The following HCN1 variants were observed in gnomAD, a reference collection of about 807,000 sequenced individuals.
The protein encoded by HCN1 is potassium/sodium hyperpolarization-activated cyclic nucleotide-gated channel 1.
A neutral mutation model predicts 78.9 loss-of-function variants in HCN1; 13 were observed. The ratio of observed to expected loss-of-function variants is 0.16; its 90% CI spans 0.11 to 0.26. The LOEUF (loss-of-function observed/expected upper bound fraction) is 0.26, where lower values mean the gene tolerates loss of function less well. Among genes scored for constraint, HCN1 ranks in the 10% least tolerant of loss-of-function variants. HCN1 has a pLI of 1.00. For missense variants in HCN1, 810 were observed against 1,154.3 expected, an observed-to-expected ratio of 0.70 and a Z score of 4.32; for synonymous variants, 552 against 455.5, an observed-to-expected ratio of 1.21 and a Z score of -2.70.
intron 1 of HCN1, among the ~76,000 whole-genome samples, chr5:45,659,145 C>A (rs1482253521): frequency 2.0e-5 from 3 of 150,926 alleles, no homozygotes; most frequent in African/African-American, 7.3e-5. Context: ...GGTCCCTGAC[C>A]CCTGACCCCC....
At chr5:45,526,071 T>G (rs1361730560) in intron 2 of HCN1, among the ~76,000 whole-genome samples, 1 of 151,994 alleles carries the variant, frequency 6.6e-6, no homozygotes, top group Non-Finnish European at 1.5e-5. Flanking sequence ...ACCCTGATCT[T>G]AGACTTCCAC....
At chr5:45,323,584 C>T (rs968189680) in intron 5 of HCN1, among the ~76,000 whole-genome samples, 7 of 151,658 alleles carry the variant, frequency 4.6e-5, no homozygotes, top group Admixed American at 4.6e-4. Context: ...CATTATTATA[C>T]TTTAAGTTTT....
rs1290982240 is a variant in HCN1, at chr5:45,696,004, C to G, written c.90G>C (p.Ala30=). The G allele has an allele frequency of 7.5e-5, 98 of 1,299,438 alleles. No individual in the cohort carries two copies. The highest frequency in any genetic ancestry group is 9.4e-5 in the Non-Finnish European group (96 of 1,018,444). The allele number at this position is 1,299,438 out of a possible 1,614,324, so 80.5% of individuals were successfully genotyped here. The change falls in exon 1 of 8, where the codon GCG becomes GCC. Residue 30 remains alanine, a synonymous_variant. Transcript: ENST00000303230. The part of the protein sequence containing the change: ...VFPAKASATG[A]GPAAAEKRLG... ...GGCGCTTCTCGGCCGCGGCCGGCCC[C>G]GCGCCCGTCGCGGACGCCTTGGCGG... is the stretch of plus-strand genomic sequence containing the variant.
intron 3 of HCN1, among the ~76,000 whole-genome samples, chr5:45,440,377 CT>C (rs1433012285): frequency 2.0e-5 from 3 of 152,070 alleles, no homozygotes; most frequent in African/African-American, 7.2e-5. Context: ...AATTTCCCCC[CT>C]AGAATAACAT....
Position 45,540,118 on chromosome 5 carries a change from G to T in HCN1, c.850-78111C>A, listed in dbSNP as rs553348047. 4.0e-5 allele frequency among the ~76,000 whole-genome samples: 6 copies of T among 151,672 alleles called. No individual in the cohort carries two copies. The South Asian group carries it at 6.2e-4, about 16-fold the overall frequency. ...ATCTCTTTTGTTGTTCATTCAGATAGAATTTAAATATTGAATTAAAGCAGT... is the reference window on the plus strand; with the variant it reads ...ATCTCTTTTGTTGTTCATTCAGATATAATTTAAATATTGAATTAAAGCAGT... On this transcript the variant is annotated intron_variant, in intron 2 of 7. Transcript: ENST00000303230.
chr5:45,443,467 C>A (rs1009872720), intron 3 of HCN1, among the ~76,000 whole-genome samples: 1 of 152,020 alleles, frequency 6.6e-6, no homozygotes, highest in African/African-American at 2.4e-5. Context: ...TCCTCTCCAA[C>A]AGGTTTTCCT....
intron 6 of HCN1, among the ~76,000 whole-genome samples, chr5:45,293,231 C>G (rs1745415961): frequency 6.6e-6 from 1 of 151,996 alleles, no homozygotes; most frequent in Non-Finnish European, 1.5e-5. Context: ...AAAACTGTTC[C>G]TTCTTCTCCA....
chr5:45,601,601 C>T (rs1016356963), intron 2 of HCN1, among the ~76,000 whole-genome samples: 1 of 152,100 alleles, frequency 6.6e-6, no homozygotes, highest in African/African-American at 2.4e-5. Flanking sequence ...CTTTTGTACA[C>T]GGACTTTTTG....
intron 2 of HCN1, among the ~76,000 whole-genome samples, chr5:45,535,695 T>C (rs1361870834): frequency 6.6e-6 from 1 of 152,192 alleles, no homozygotes; most frequent in Non-Finnish European, 1.5e-5. Context: ...GTGTTCATTG[T>C]TCTGCATCAA....
At chr5:45,555,905 A>G (rs1234461755) in intron 2 of HCN1, among the ~76,000 whole-genome samples, 2 of 151,986 alleles carry the variant, frequency 1.3e-5, no homozygotes, top group African/African-American at 2.4e-5. Flanking sequence ...ATAAATCCAC[A>G]TGCCTACAGT....
intron 5 of HCN1, among the ~76,000 whole-genome samples, chr5:45,346,355 G>C (rs1014323238): frequency 1.2e-4 from 19 of 152,302 alleles, no homozygotes; most frequent in African/African-American, 4.3e-4. Flanking sequence ...GGGCAAAGAA[G>C]TGTAAGAAAT....
intron 2 of HCN1, among the ~76,000 whole-genome samples, chr5:45,631,130 TAGTC>T (rs1489182592): frequency 6.6e-6 from 1 of 152,166 alleles, no homozygotes; most frequent in Non-Finnish European, 1.5e-5. Context: ...TAATATAAGT[TAGTC>T]ACAGGCCTAC....
At chr5:45,372,297 A>G (rs1747414225) in intron 4 of HCN1, among the ~76,000 whole-genome samples, 3 of 97,122 alleles carry the variant, frequency 3.1e-5, no homozygotes, top group South Asian at 2.8e-4. Context: ...TATTTCATAT[A>G]TAATATATAA....
In HCN1 at chr5:45,299,593, C is replaced by T. The variant is rs147099250; in HGVS notation, c.1618+4006G>A. Among the ~76,000 whole-genome samples the T allele has an allele frequency of 3.3e-5, 5 of 151,764 alleles. No individual in the cohort carries two copies. In the East Asian group the frequency reaches 7.8e-4, roughly 24 times the overall value. On this transcript the variant is annotated intron_variant, in intron 6 of 7. Transcript: ENST00000303230. ...GCTTTCCAGGAGATAGTAATGTGTACTCAGTATTATGAACAATTGAATTAG... is the reference window on the plus strand; with the variant it reads ...GCTTTCCAGGAGATAGTAATGTGTATTCAGTATTATGAACAATTGAATTAG...
chr5:45,262,423 G>T lies in HCN1; in HGVS notation c.2171C>A (p.Ala724Asp). ...ARTFHYASPT[A>D]SQLSLMQQQP... ...CTGTTGCATGAGTGACAGCTGGGAG[G>T]CGGTGGGGGAGGCATAGTGGAAAGT... Residue 724 changes from alanine to aspartate, a missense_variant, in exon 8 of 8, where the codon GCC becomes GAC. By Grantham distance (126) the Ala-to-Asp change is moderately radical (BLOSUM62 -2). Around this residue, in one of 6 missense-constraint regions of HCN1, gnomAD observed 398 missense variants for 381.3 expected, o/e 1.04. Transcript: ENST00000303230. 6.2e-7 allele frequency: 1 copy of T among 1,611,636 alleles called. No individual in the cohort carries two copies. Among genetic ancestry groups the T allele is most frequent in the Non-Finnish European group, 8.5e-7 (1 of 1,179,750 alleles).
At chr5:45,389,965 T>G (rs1178128329) in intron 4 of HCN1, among the ~76,000 whole-genome samples, 1 of 152,178 alleles carries the variant, frequency 6.6e-6, no homozygotes, top group African/African-American at 2.4e-5. Context: ...AAAACTATTT[T>G]TGGCCATAAT....
intron 1 of HCN1, among the ~76,000 whole-genome samples, chr5:45,660,547 T>C (rs965998915): frequency 5.7e-4 from 86 of 151,932 alleles, no homozygotes; most frequent in African/African-American, 1.7e-3. Context: ...GTGTGCTGTA[T>C]TCAGGAAACC....
intron 1 of HCN1, among the ~76,000 whole-genome samples, chr5:45,655,171 G>C (rs920752556): frequency 2.0e-5 from 3 of 151,996 alleles, no homozygotes; most frequent in African/African-American, 7.2e-5. Context: ...CTGATTTCTG[G>C]ATATAACAAT....
chr5:45,582,410 G>A (rs1579981799), intron 2 of HCN1, among the ~76,000 whole-genome samples: 1 of 152,142 alleles, frequency 6.6e-6, no homozygotes, highest in South Asian at 2.1e-4. Context: ...TCACCTTAAG[G>A]AGATTTTGGG....
Sources: allele counts gnomAD v4.1 joint callset (sites outside exome capture counted in the v4.1 genomes callset), GRCh38; gene constraint gnomAD v4.1.1; regional missense constraint gnomAD v4.1.1; transcripts MANE v1.5; gene names NCBI Gene and HGNC (gene_info 2026-07-23, HGNC 2026-07-21).